The following MAST2 variants were observed in gnomAD, a reference collection of about 807,000 sequenced individuals.
The protein encoded by MAST2 is microtubule-associated serine/threonine-protein kinase 2.
Under a neutral mutation model 147.4 loss-of-function variants are expected in MAST2, and 70 were observed. The observed-to-expected ratio is 0.47, with a 90% CI of 0.39 to 0.58. The LOEUF (loss-of-function observed/expected upper bound fraction) is 0.58, where lower values mean the gene tolerates loss of function less well. MAST2 is among the 20% of genes least tolerant of loss of function. MAST2 has a pLI of 0.00. For missense variants in MAST2, 2,080 were observed against 2,302.3 expected (o/e 0.90, Z 1.98); for synonymous variants, 869 against 896.8 (o/e 0.97, Z 0.55).
At chr1:45,846,100 C>G (rs1645425665) in intron 3 of MAST2, among the ~76,000 whole-genome samples, 1 of 142,232 alleles carries the variant, frequency 7.0e-6, no homozygotes, top group African/African-American at 2.7e-5. Flanking sequence ...TGTGGGAGAT[C>G]AACATAACAA....
In MAST2 at chr1:46,035,606, C is replaced by T. The variant is rs531492721; in HGVS notation, c.4937C>T (p.Pro1646Leu). 1.1e-5 allele frequency: 18 copies of T among 1,613,852 alleles called. No homozygotes were observed. The South Asian group carries it at 1.5e-4, about 14-fold the overall frequency. Residue 1646 changes from proline (P) to leucine (L), a missense_variant, in exon 29 of 29, where the codon CCC becomes CTC. Pro to Leu is a moderately conservative substitution (Grantham distance 98, BLOSUM62 -3). Coordinates refer to ENST00000361297, the MANE Select transcript of MAST2 (RefSeq NM_015112.3). This position sits in a 1 kb window ranked among gnomAD's most constrained non-coding sequence, Gnocchi z 5.5. ...GLTPTSSCSPPSSTSGKLSMW... is the reference protein window; with the variant it reads ...GLTPTSSCSPLSSTSGKLSMW... ...ACCCCCACCAGCAGTTGCTCTCCTC[C>T]CAGCTCCACCTCTGGGAAGCTGAGC...
intron 5 of MAST2, among the ~76,000 whole-genome samples, chr1:45,964,449 G>C (rs1389218735): frequency 6.6e-6 from 1 of 152,152 alleles, no homozygotes; most frequent in Admixed American, 6.6e-5. Context: ...TCTTGGGAGG[G>C]GGTATGTGTC....
intron 10 of MAST2, chr1:46,011,258 A>G (rs1316428023): frequency 5.8e-6 from 2 of 345,728 alleles, no homozygotes; most frequent in Non-Finnish European, 1.1e-5. Context: ...AAAGCCAAAA[A>G]GTGGCTCCAG....
intron 5 of MAST2, among the ~76,000 whole-genome samples, chr1:45,994,319 C>T (rs963078427): frequency 1.2e-4 from 13 of 112,836 alleles, no homozygotes; most frequent in African/African-American, 4.5e-4. Context: ...TTTCACTCTG[C>T]TGCCCAGCCA....
intron 4 of MAST2, among the ~76,000 whole-genome samples, chr1:45,933,620 G>GGT (rs1257829300): frequency 6.6e-6 from 1 of 151,750 alleles, no homozygotes; most frequent in Non-Finnish European, 1.5e-5. Context: ...TGGGCATGGT[G>GGT]GTGGGCACCT....
At chr1:45,833,381 A>G (rs1645014472) in intron 3 of MAST2, among the ~76,000 whole-genome samples, 1 of 86,344 alleles carries the variant, frequency 1.2e-5, no homozygotes, top group Non-Finnish European at 2.2e-5. Flanking sequence ...ATATTGTTCA[A>G]GATTAGTTCT....
At chr1:45,985,942 C>T (rs1175131200) in intron 5 of MAST2, among the ~76,000 whole-genome samples, 1 of 152,060 alleles carries the variant, frequency 6.6e-6, no homozygotes, top group African/African-American at 2.4e-5. Flanking sequence ...ATCTTTTATC[C>T]TGCAGCCTTG....
Position 46,020,757 on chromosome 1 carries a change from T to C in MAST2, c.1290+1060T>C, listed in dbSNP as rs184885886. Reference sequence around the variant, plus strand: ...TCACTAGGGATGGGTTTGCCTTTTGTACAGTTTCCTAGAAATGAAACCATG... The same window carrying C: ...TCACTAGGGATGGGTTTGCCTTTTGCACAGTTTCCTAGAAATGAAACCATG... On this transcript the variant is annotated intron_variant, in intron 11 of 28. Coordinates refer to ENST00000361297, the MANE Select transcript of MAST2 (RefSeq NM_015112.3). Among the ~76,000 whole-genome samples the C allele has an allele frequency of 1.7e-4, 26 of 152,332 alleles. 1 individual carries two copies. Among genetic ancestry groups the C allele is most frequent in the Admixed American group, 8.5e-4 (13 of 15,292 alleles).
intron 4 of MAST2, among the ~76,000 whole-genome samples, chr1:45,888,845 T>A (rs1393378906): frequency 1.3e-5 from 2 of 151,682 alleles, no homozygotes; most frequent in African/African-American, 2.4e-5. Flanking sequence ...CACGCCTGGC[T>A]AATTTTTTGT....
intron 5 of MAST2, among the ~76,000 whole-genome samples, chr1:45,977,209 C>T (rs1644195848): frequency 6.6e-6 from 1 of 152,234 alleles, no homozygotes; most frequent in Non-Finnish European, 1.5e-5. Flanking sequence ...AAGAATTTCA[C>T]CGGGCACGTG....
chr1:45,886,227 T>A (rs1213849519), intron 4 of MAST2, among the ~76,000 whole-genome samples: 1 of 148,244 alleles, frequency 6.7e-6, no homozygotes, highest in Admixed American at 6.8e-5. Flanking sequence ...TAAATATATA[T>A]GTATATATTA....
At chr1:45,862,837 C>T (rs74545106) in intron 3 of MAST2, among the ~76,000 whole-genome samples, 1,982 of 152,228 alleles carry the variant, frequency 0.013, 38 homozygotes, top group African/African-American at 0.045. Context: ...AATCCCATAA[C>T]GTTAGTTTTA....
chr1:45,952,858 A>T (rs937828104), intron 4 of MAST2, among the ~76,000 whole-genome samples: 1 of 152,248 alleles, frequency 6.6e-6, no homozygotes, highest in Non-Finnish European at 1.5e-5. Flanking sequence ...ACTACAGGAT[A>T]TATTTCAGAA....
At chr1:45,865,694 T>A (rs979903473) in intron 3 of MAST2, among the ~76,000 whole-genome samples, 1 of 152,198 alleles carries the variant, frequency 6.6e-6, no homozygotes, top group African/African-American at 2.4e-5. Context: ...GTTTGTTAGA[T>A]GAAGAGGTAT....
intron 3 of MAST2, among the ~76,000 whole-genome samples, chr1:45,869,640 G>A (rs61783220): frequency 0.45 from 67,855 of 151,934 alleles, 15,352 homozygotes; most frequent in East Asian, 0.62. Context: ...TTGAAATAGC[G>A]GTGTTACTCT....
chr1:45,840,957 C>T (rs1645255085), intron 3 of MAST2, among the ~76,000 whole-genome samples: 1 of 152,166 alleles, frequency 6.6e-6, no homozygotes, highest in South Asian at 2.1e-4. Flanking sequence ...GTTCATTAAT[C>T]TCTATTTTTT....
At chr1:45,880,884 A>G (rs1437222779) in intron 3 of MAST2, among the ~76,000 whole-genome samples, 5 of 150,498 alleles carry the variant, frequency 3.3e-5, no homozygotes, top group Non-Finnish European at 5.9e-5. Context: ...AGGCTGAGGC[A>G]GTAGAATCGC....
chr1:46,017,292 A>T (rs530231033), intron 10 of MAST2, among the ~76,000 whole-genome samples: 10 of 152,378 alleles, frequency 6.6e-5, no homozygotes, highest in Admixed American at 3.3e-4. Flanking sequence ...AAAGCACCAA[A>T]AGCAATGGCA....
intron 4 of MAST2, among the ~76,000 whole-genome samples, chr1:45,908,332 T>C (rs920313701): frequency 6.6e-6 from 1 of 152,198 alleles, no homozygotes; most frequent in African/African-American, 2.4e-5. Flanking sequence ...TTTCTCCCAA[T>C]GCTATCCCTC....
Sources: allele counts gnomAD v4.1 joint callset (sites outside exome capture counted in the v4.1 genomes callset), GRCh38; gene constraint gnomAD v4.1.1; non-coding constraint Gnocchi (gnomAD v3.1); transcripts MANE v1.5; gene names NCBI Gene and HGNC (gene_info 2026-07-23, HGNC 2026-07-21).